SPATA25: variants seen among roughly 807,000 people sequenced by gnomAD.
The protein encoded by SPATA25 is spermatogenesis associated 25.
A neutral mutation model predicts 16.0 loss-of-function variants in SPATA25; 16 were observed. That is an observed-to-expected ratio of 1.00 (90% confidence interval 0.68 to 1.52). The LOEUF (loss-of-function observed/expected upper bound fraction) is 1.52, where lower values mean the gene tolerates loss of function less well. Ranked by LOEUF, SPATA25 falls within the 40% of genes most tolerant of loss-of-function variation. The pLI is 0.00. For missense variants in SPATA25, 285 were observed against 289.2 expected (o/e 0.99, Z 0.11); for synonymous variants, 115 against 118.5 (o/e 0.97, Z 0.19).
At chr20:45,887,623 A>C (rs1207896454), upstream of SPATA25, 1 of 1,607,960 alleles carries the variant, frequency 6.2e-7, no homozygotes, top group Non-Finnish European at 8.5e-7. Context: ...GTGAGGGAAT[A>C]GTGATCTGCC....
upstream of SPATA25, chr20:45,890,381 A>T (rs142373830): frequency 6.2e-7 from 1 of 1,612,712 alleles, no homozygotes; most frequent in African/African-American, 1.3e-5. Flanking sequence ...GATGATGTGC[A>T]TGTCGGCCGT....
chr20:45,890,988 C>T, upstream of SPATA25: 1 of 1,486,546 alleles, frequency 6.7e-7, no homozygotes, highest in African/African-American at 1.4e-5. Context: ...GAGGCAGCAG[C>T]CATCTCTCGG....
chr20:45,887,723 C>A, upstream of SPATA25: 1 of 708,050 alleles, frequency 1.4e-6, no homozygotes, highest in South Asian at 2.5e-5. Context: ...TTGACCTATT[C>A]ATTCTAGAAC....
chr20:45,890,987 G>C, upstream of SPATA25: 1 of 1,486,862 alleles, frequency 6.7e-7, no homozygotes, highest in Non-Finnish European at 8.9e-7. Context: ...GGAGGCAGCA[G>C]CCATCTCTCG....
At position 45,887,076 on chromosome 20, in the gene SPATA25, C is replaced by T; in HGVS notation, c.125G>A (p.Gly42Asp). The change falls in exon 2 of 2, where the codon GGT (glycine) becomes GAT (aspartate). Residue 42 changes from glycine to aspartate, a missense_variant. Transcript: ENST00000372519. ...SPVEPVVVASGGTGPLSQKAE... is the reference protein window; with the variant it reads ...SPVEPVVVASDGTGPLSQKAE... ...TTTCTGGCTCAGTGGGCCTGTTCCACCAGAGGCCACCACCACTGGCTCTAC... is the reference window on the plus strand; with the variant it reads ...TTTCTGGCTCAGTGGGCCTGTTCCATCAGAGGCCACCACCACTGGCTCTAC... 1.2e-6 allele frequency: 2 copies of T among 1,606,754 alleles called. No homozygotes were observed. Among genetic ancestry groups the T allele is most frequent in the Non-Finnish European group, 8.5e-7 (1 of 1,179,950 alleles).
chr20:45,888,505 T>C (rs1350653995), upstream of SPATA25: 14 of 470,530 alleles, frequency 3.0e-5, no homozygotes, highest in Admixed American at 5.2e-4. Context: ...ACTCTTTACA[T>C]ATCCTAAGAT....
At chr20:45,888,735 G>A (rs746044447), upstream of SPATA25, 31 of 1,612,986 alleles carry the variant, frequency 1.9e-5, no homozygotes, top group Middle Eastern at 5.3e-4. Flanking sequence ...GGATGCAGCT[G>A]TGCTCTGGTG....
chr20:45,887,436 C>T lies in SPATA25; in HGVS notation c.55+100G>A, dbSNP rs1238324625. The T allele has an allele frequency of 6.0e-6, 7 of 1,164,044 alleles. No individual in the cohort carries two copies. The Admixed American group carries it at 1.4e-4, about 24-fold the overall frequency. 72.1% of individuals were successfully genotyped at this position (1,164,044 alleles called of 1,614,324 possible). A position where few individuals can be genotyped will look rare whatever the true frequency, so the allele number is the denominator to read the frequency against. Reference sequence around the variant, plus strand: ...TAAAAGAATTGATTCTAGGGCCAGCCCCCAAATGCCCAGCAGAACCGCCAC... The same window carrying T: ...TAAAAGAATTGATTCTAGGGCCAGCTCCCAAATGCCCAGCAGAACCGCCAC... On this transcript the variant is annotated intron_variant, in intron 1 of 1. Transcript: ENST00000372519.
rs747564988 is a variant in SPATA25 at position 45,886,964 on chromosome 20, C to A, written c.237G>T (p.Trp79Cys). 1.1e-5 allele frequency: 18 copies of A among 1,613,918 alleles called. No homozygotes were observed. Among genetic ancestry groups the A allele is most frequent in the Admixed American group, 1.7e-5 (1 of 60,008 alleles). ...GGCTGTATTCCTTCCGTAGTGTCTC[C>A]CAGCTAGTCCCCCCAGGGCAGCCCC... ...QARGCPGGTS[W>C]ETLRKEYSRN... Residue 79 changes from tryptophan (W) to cysteine (C), a missense_variant, in exon 2 of 2, where the codon TGG becomes TGT. Physicochemically the swap from Trp to Cys is radical, Grantham distance 215. Coordinates refer to ENST00000372519, the MANE Select transcript of SPATA25 (RefSeq NM_080608.4).
chr20:45,890,922 T>A (rs1294689548), upstream of SPATA25: 2 of 1,538,190 alleles, frequency 1.3e-6, no homozygotes, highest in Non-Finnish European at 1.8e-6. Context: ...TGGAAGCGGG[T>A]GGGAGGGGGC....
chr20:45,887,236 G>A (rs914800249), intron 1 of SPATA25, 91 bp from the exon 2 acceptor site: 744 of 1,451,140 alleles, frequency 5.1e-4, no homozygotes, highest in Non-Finnish European at 6.3e-4. Context: ...GCTTGGGGGC[G>A]TAACTAAGAC....
chr20:45,891,014 G>C (rs780412158), upstream of SPATA25: 2 of 1,462,788 alleles, frequency 1.4e-6, no homozygotes, highest in Non-Finnish European at 1.8e-6. This position sits in a 1 kb window ranked among gnomAD's most constrained non-coding sequence, Gnocchi z 4.6. Context: ...GGGCAGGCCA[G>C]CTGGCGCCGG....
chr20:45,887,712 G>C, upstream of SPATA25: 2 of 823,118 alleles, frequency 2.4e-6, no homozygotes, highest in Non-Finnish European at 3.8e-6. Flanking sequence ...ACTTTACAGC[G>C]TTGACCTATT....
upstream of SPATA25, chr20:45,890,636 T>C: frequency 1.2e-6 from 2 of 1,613,126 alleles, no homozygotes; most frequent in East Asian, 2.2e-5. Context: ...CACGCGGTTG[T>C]GGTGGCGCGT....
At chr20:45,888,613 G>T (rs2145806089), upstream of SPATA25, 1 of 744,446 alleles carries the variant, frequency 1.3e-6, no homozygotes, top group Non-Finnish European at 2.2e-6. Context: ...AGGCTGTAGG[G>T]GCAAGGAGAC....
chr20:45,890,277 C>G, upstream of SPATA25: 1 of 1,613,766 alleles, frequency 6.2e-7, no homozygotes, highest in Non-Finnish European at 8.5e-7. Context: ...ACAAGGCGCA[C>G]GCTCTTTGTG....
chr20:45,887,005 C>A lies in SPATA25; in HGVS notation c.196G>T (p.Ala66Ser), dbSNP rs760682596. The A allele has an allele frequency of 3.7e-6, 6 of 1,613,560 alleles. No homozygotes were observed. In the Admixed American group the frequency reaches 1.0e-4, roughly 27 times the overall value. The stretch of plus-strand genomic sequence containing the variant: ...GGGCAGCCCCTGGCTTGTGGCATTG[C>A]CAGGGCTGGGCCCCAGGCCTGGGCA... The part of the protein sequence containing the change: ...PAAQAWGPAL[A>S]MPQARGCPGG... Residue 66 changes from alanine (A) to serine (S), a missense_variant, in exon 2 of 2, where the codon GCA becomes TCA. By Grantham distance (99) the Ala-to-Ser change is moderately conservative (BLOSUM62 1). Coordinates refer to ENST00000372519, the MANE Select transcript of SPATA25 (RefSeq NM_080608.4).
At chr20:45,890,712 C>A (rs768208937), upstream of SPATA25, 1 of 1,613,632 alleles carries the variant, frequency 6.2e-7, no homozygotes, top group Admixed American at 1.7e-5. Flanking sequence ...GGAACGGGGG[C>A]CAGACTGGCG....
chr20:45,890,273 C>A, upstream of SPATA25: 5 of 1,613,788 alleles, frequency 3.1e-6, no homozygotes, highest in Non-Finnish European at 4.2e-6. Flanking sequence ...CTGGACAAGG[C>A]GCACGCTCTT....
Sources: gnomAD v4.1 joint callset for allele counts on GRCh38, gnomAD v4.1.1 for gene constraint, Gnocchi (gnomAD v3.1) non-coding constraint, MANE v1.5 for transcripts, NCBI Gene and HGNC (gene_info 2026-07-23, HGNC 2026-07-21) for gene names.